The following ZNF497 variants were observed in gnomAD, a reference collection of about 807,000 sequenced individuals.
The protein encoded by ZNF497 is zinc finger protein 497.
For synonymous variants in ZNF497, 422 were observed against 313.7 expected (o/e 1.35, Z -3.65); for missense variants, 930 against 714.0 (o/e 1.30, Z -3.45).
chr19:58,358,651 G>T, intron 1 of ZNF497, 66 bp from the exon 2 acceptor site: 21 of 776,348 alleles, frequency 2.7e-5, no homozygotes, highest in Non-Finnish European at 3.7e-5. Flanking sequence ...AAAACAAGGG[G>T]CATGCGGTGG....
In ZNF497 at chr19:58,357,174, G is replaced by A; in HGVS notation, c.462C>T (p.Arg154=). 4 of 1,613,086 alleles carry A rather than the reference G, an allele frequency of 2.5e-6. No individual in the cohort carries two copies. Among genetic ancestry groups the A allele is most frequent in the East Asian group, 2.2e-5 (1 of 44,840 alleles). Reference sequence around the variant, plus strand: ...CGTAGGGCTTCTCGCCGCTGTGGATGCGCTGGTGCTGGCTGAGGTTGGAGC... The same window carrying A: ...CGTAGGGCTTCTCGCCGCTGTGGATACGCTGGTGCTGGCTGAGGTTGGAGC... ...AWSSNLSQHQ[R]IHSGEKPYAC... is the part of the protein sequence containing the mutation. The change falls in exon 3 of 3, where the codon CGC becomes CGT. Residue 154 remains arginine (R), a synonymous_variant. Transcript: ENST00000311044.
At chr19:58,359,896 C>G (rs1321515930) in intron 1 of ZNF497, among the ~76,000 whole-genome samples, 1 of 151,674 alleles carries the variant, frequency 6.6e-6, no homozygotes, top group East Asian at 1.9e-4. Flanking sequence ...TGCTTGAACC[C>G]GGGAGGTGGA....
chr19:58,356,761 T>TGCTGCCGCAGCCCCGCC lies in ZNF497; in HGVS notation c.858_874dup (p.His292ArgfsTer89). The TGCTGCCGCAGCCCCGCC allele has an allele frequency of 6.4e-7, 1 of 1,561,222 alleles. No homozygotes were observed. Among genetic ancestry groups the TGCTGCCGCAGCCCCGCC allele is most frequent in the Non-Finnish European group, 8.6e-7 (1 of 1,160,190 alleles). ...CTTCTCGCTGCTGTGCGTGCGCCGG[T>TGCTGCCGCAGCCCCGCC]GCTGCCGCAGCCCCGCCACACGCAC... On this transcript the variant is annotated frameshift_variant, in exon 3 of 3. Transcript: ENST00000311044.
intron 2 of ZNF497, 116 bp from the exon 3 acceptor site, chr19:58,357,765 C>T: frequency 8.2e-7 from 1 of 1,223,280 alleles, no homozygotes; most frequent in South Asian, 1.8e-5. Flanking sequence ...TCCTCCAGGT[C>T]CCTGGATGCC....
In ZNF497 at chr19:58,356,650, G is replaced by A. The variant is rs1208166834; in HGVS notation, c.986C>T (p.Pro329Leu). 2 of 1,548,110 alleles carry A rather than the reference G, an allele frequency of 1.3e-6. No homozygotes were observed. The highest frequency in any genetic ancestry group is 4.8e-5 in the East Asian group (2 of 41,482). The change falls in exon 3 of 3, where the codon CCC becomes CTC. Residue 329 changes from proline (P) to leucine (L), a missense_variant. By Grantham distance (98) the Pro-to-Leu change is moderately conservative. Transcript: ENST00000311044. ...QHQRTHTGER[P>L]FECAECGQAF... Reference sequence around the variant, plus strand: ...CTGGCCGCACTCGGCGCACTCGAAGGGCCGCTCACCAGTGTGCGTGCGCTG... The same window carrying A: ...CTGGCCGCACTCGGCGCACTCGAAGAGCCGCTCACCAGTGTGCGTGCGCTG...
Position 58,356,208 on chromosome 19 carries a change from C to T in ZNF497, c.1428G>A (p.Gly476=). The change falls in exon 3 of 3, where the codon GGG becomes GGA. Residue 476 remains glycine (G), a synonymous_variant. Coordinates refer to ENST00000311044, the MANE Select transcript of ZNF497 (RefSeq NM_198458.3). ...GGTTGCAACGGTGGCTGAAAGGCTTCCCGCACTCGCCGCAAGCGTAGGGCC... is the reference window on the plus strand; with the variant it reads ...GGTTGCAACGGTGGCTGAAAGGCTTTCCGCACTCGCCGCAAGCGTAGGGCC... The part of the protein sequence containing the change: ...GERPYACGEC[G]KPFSHRCNLN... 6.2e-7 allele frequency: 1 copy of T among 1,601,024 alleles called. No homozygotes were observed. The highest frequency in any genetic ancestry group is 8.5e-7 in the Non-Finnish European group (1 of 1,172,754).
Position 58,356,173 on chromosome 19 carries a change from T to G in ZNF497, c.1463A>C (p.His488Pro), listed in dbSNP as rs764061923. The G allele has an allele frequency of 6.3e-7, 1 of 1,581,698 alleles. No individual in the cohort carries two copies. The highest frequency in any genetic ancestry group is 8.6e-7 in the Non-Finnish European group (1 of 1,162,054). ...AGCGCGGCCCCCGTGCCGCTTCTGGTGCTCGTTGAGGTTGCAACGGTGGCT... is the reference window on the plus strand; with the variant it reads ...AGCGCGGCCCCCGTGCCGCTTCTGGGGCTCGTTGAGGTTGCAACGGTGGCT... ...PFSHRCNLNE[H>P]QKRHGGRAAP The change falls in exon 3 of 3, where the codon CAC (histidine) becomes CCC (proline). Residue 488 changes from histidine (H) to proline (P), a missense_variant. Physicochemically the swap from His to Pro is moderately conservative, Grantham distance 77. Transcript: ENST00000311044.
chr19:58,357,006 G>C lies in ZNF497; in HGVS notation c.630C>G (p.Arg210=). ...GRSTTLVQHR[R]THTGEKPYEC... ...CGTAGGGCTTCTCGCCCGTGTGCGT[G>C]CGTCGGTGCTGCACCAGCGTGGTGC... The change falls in exon 3 of 3, where the codon CGC becomes CGG. Residue 210 remains arginine, a synonymous_variant. Coordinates refer to ENST00000311044, the MANE Select transcript of ZNF497 (RefSeq NM_198458.3). 1.2e-6 allele frequency: 2 copies of C among 1,609,538 alleles called. No individual in the cohort carries two copies. Among genetic ancestry groups the C allele is most frequent in the Non-Finnish European group, 1.7e-6 (2 of 1,179,048 alleles).
intron 1 of ZNF497, chr19:58,359,603 GAC>G (rs1351696554): frequency 2.6e-6 from 1 of 381,714 alleles, no homozygotes; most frequent in African/African-American, 2.1e-5. Context: ...GAACAACTAA[GAC>G]AGAGACTGTG....
Position 58,356,676 on chromosome 19 carries a change from G to A in ZNF497, c.960C>T (p.His320=), listed in dbSNP as rs774039872. 6 of 1,555,750 alleles carry A rather than the reference G, an allele frequency of 3.9e-6. No individual in the cohort carries two copies. The South Asian group carries it at 4.7e-5, about 12-fold the overall frequency. ...GCCGCTCACCAGTGTGCGTGCGCTGGTGCTGCAGGAGCTGCGAGCTCTCGC... is the reference window on the plus strand; with the variant it reads ...GCCGCTCACCAGTGTGCGTGCGCTGATGCTGCAGGAGCTGCGAGCTCTCGC... The part of the protein sequence containing the change: ...AFRESSQLLQ[H]QRTHTGERPF... The change falls in exon 3 of 3, where the codon CAC becomes CAT. Residue 320 remains histidine, a synonymous_variant. Transcript: ENST00000311044.
chr19:58,360,870 C>T (rs62116377), intron 1 of ZNF497, among the ~76,000 whole-genome samples: 20,056 of 147,554 alleles, frequency 0.14, 1,778 homozygotes, highest in Non-Finnish European at 0.19. Context: ...CAAGCTCTGC[C>T]TCCCGGGTTC....
rs865920772 is a variant in ZNF497, at chr19:58,357,008, G to T, written c.628C>A (p.Arg210Ser). 6.2e-7 allele frequency: 1 copy of T among 1,609,582 alleles called. No individual in the cohort carries two copies. Residue 210 changes from arginine to serine, a missense_variant, in exon 3 of 3, where the codon CGC becomes AGC. Arg to Ser is a moderately radical substitution (Grantham distance 110). Transcript: ENST00000311044. Reference protein sequence around the residue: ...GRSTTLVQHRRTHTGEKPYEC... With the variant: ...GRSTTLVQHRSTHTGEKPYEC... ...TAGGGCTTCTCGCCCGTGTGCGTGCGTCGGTGCTGCACCAGCGTGGTGCTT... is the reference window on the plus strand; with the variant it reads ...TAGGGCTTCTCGCCCGTGTGCGTGCTTCGGTGCTGCACCAGCGTGGTGCTT...
chr19:58,356,485 T>C lies in ZNF497; in HGVS notation c.1151A>G (p.Lys384Arg), dbSNP rs1163157532. 2.3e-5 allele frequency: 35 copies of C among 1,535,966 alleles called. No homozygotes were observed. Among genetic ancestry groups the C allele is most frequent in the Non-Finnish European group, 3.0e-5 (35 of 1,149,014 alleles). The change falls in exon 3 of 3, where the codon AAG becomes AGG. Residue 384 changes from lysine to arginine, a missense_variant. Physicochemically the swap from Lys to Arg is conservative, Grantham distance 26. Transcript: ENST00000311044. ...GCCGCAGTCGGCGCAGGCGAAGGGC[T>C]TGGCGCCCGAGTGCGTGCGCCGGTG... is the stretch of plus-strand genomic sequence containing the variant. ...LSHRRTHSGA[K>R]PFACADCGKA...
At position 58,357,357 on chromosome 19, in the gene ZNF497, C is replaced by T. The variant is rs773949996; in HGVS notation, c.279G>A (p.Arg93=). 30 of 1,595,106 alleles carry T rather than the reference C, an allele frequency of 1.9e-5. No individual in the cohort carries two copies. Among genetic ancestry groups the T allele is most frequent in the African/African-American group, 2.7e-5 (2 of 74,478 alleles). ...CTGGGAGAGGCGAAGGGCGCAACGC[C>T]CGGTCTGCAGGCTCGCTCCTGGGCC... ...GAGPRSEPAD[R]ALRPSPLPEE... is the part of the protein sequence containing the mutation. Residue 93 remains arginine (R), a synonymous_variant, in exon 3 of 3, where the codon CGG becomes CGA. Transcript: ENST00000311044.
Position 58,357,220 on chromosome 19 carries a change from C to A in ZNF497, c.416G>T (p.Cys139Phe). The change falls in exon 3 of 3, where the codon TGC becomes TTC. Residue 139 changes from cysteine to phenylalanine, a missense_variant. By Grantham distance (205) the Cys-to-Phe change is radical. Transcript: ENST00000311044. Reference sequence around the variant, plus strand: ...GGAGCTCCAGGCGAAGGCCTTGCCGCACTCGGGGCACGTGTACGGCTTCTC... The same window carrying A: ...GGAGCTCCAGGCGAAGGCCTTGCCGAACTCGGGGCACGTGTACGGCTTCTC... ...TGEKPYTCPE[C>F]GKAFAWSSNL... 1 of 1,613,198 alleles carries A rather than the reference C, an allele frequency of 6.2e-7. No individual in the cohort carries two copies. Among genetic ancestry groups the A allele is most frequent in the Non-Finnish European group, 8.5e-7 (1 of 1,179,778 alleles).
rs1394154144 is a variant in ZNF497 at position 58,359,322 on chromosome 19, A to G, written c.-111-737T>C. 4 of 1,222,140 alleles carry G rather than the reference A, an allele frequency of 3.3e-6. No homozygotes were observed. In the African/African-American group the frequency reaches 6.2e-5, roughly 19 times the overall value. 75.7% of individuals were successfully genotyped at this position (1,222,140 alleles called of 1,614,324 possible). ...GCATGGCCCAGGGTACTTTCTCTGC[A>G]GCTGGAAACACAAAGGTGAGCCTGT... On this transcript the variant is annotated intron_variant, in intron 1 of 2. Coordinates refer to ENST00000311044, the MANE Select transcript of ZNF497 (RefSeq NM_198458.3).
At position 58,356,068 on chromosome 19, in the gene ZNF497, A is replaced by T; in HGVS notation, c.*71T>A. On this transcript the variant is annotated 3_prime_UTR_variant, in exon 3 of 3. Coordinates refer to ENST00000311044, the MANE Select transcript of ZNF497 (RefSeq NM_198458.3). ...GCGGCCCGAAAAAGTCTGGGCCAGCAGACAGCGCACTCACGCCCGAGACCC... is the reference window on the plus strand; with the variant it reads ...GCGGCCCGAAAAAGTCTGGGCCAGCTGACAGCGCACTCACGCCCGAGACCC... 6.9e-7 allele frequency: 1 copy of T among 1,442,440 alleles called. No homozygotes were observed. The highest frequency in any genetic ancestry group is 9.1e-7 in the Non-Finnish European group (1 of 1,100,048). The allele number at this position is 1,442,440 out of a possible 1,614,324, so 89.4% of individuals were successfully genotyped here.
rs1278172728 is a variant in ZNF497, at chr19:58,356,387, C to T, written c.1249G>A (p.Ala417Thr). The change falls in exon 3 of 3, where the codon GCA (alanine) becomes ACA (threonine). Residue 417 changes from alanine (A) to threonine (T), a missense_variant. Physicochemically the swap from Ala to Thr is moderately conservative, Grantham distance 58. Coordinates refer to ENST00000311044, the MANE Select transcript of ZNF497 (RefSeq NM_198458.3). ...SHTGERPFAC[A>T]ECGKAFRGSS... ...CCGCGGAAGGCCTTGCCGCATTCTG[C>T]GCAGGCGAAGGGTCGCTCTCCCGTG... 1.3e-6 allele frequency: 2 copies of T among 1,566,744 alleles called. No homozygotes were observed. Among genetic ancestry groups the T allele is most frequent in the African/African-American group, 1.3e-5 (1 of 74,114 alleles).
In ZNF497 at chr19:58,356,828, C is replaced by T. The variant is rs2052028837; in HGVS notation, c.808G>A (p.Gly270Ser). Residue 270 changes from glycine (G) to serine (S), a missense_variant, in exon 3 of 3, where the codon GGC becomes AGC. Gly to Ser is a moderately conservative substitution (Grantham distance 56). Coordinates refer to ENST00000311044, the MANE Select transcript of ZNF497 (RefSeq NM_198458.3). ...NLAEHLKIHA[G>S]ARPHACPDCG... is the part of the protein sequence containing the mutation. The stretch of plus-strand genomic sequence containing the variant: ...TCGGGACAGGCGTGTGGCCGTGCGC[C>T]CGCGTGGATCTTCAGGTGCTCGGCC... 5 of 1,572,774 alleles carry T rather than the reference C, an allele frequency of 3.2e-6. No individual in the cohort carries two copies. The highest frequency in any genetic ancestry group is 1.8e-5 in the Admixed American group (1 of 55,024).
Sources: allele counts gnomAD v4.1 joint callset (sites outside exome capture counted in the v4.1 genomes callset), GRCh38; gene constraint gnomAD v4.1.1; transcripts MANE v1.5; gene names NCBI Gene and HGNC (gene_info 2026-07-23, HGNC 2026-07-21).